Variants in NLGN4Y observed in about 807,000 individuals in gnomAD.
NLGN4Y encodes neuroligin-4, Y-linked.
In NLGN4Y, 4 loss-of-function variants were observed where a neutral mutation model predicts 8.4. The observed-to-expected ratio is 0.48, with a 90% CI of 0.23 to 1.09. The LOEUF is 1.09. Ranked by LOEUF, NLGN4Y falls within the 50% of genes least tolerant of loss-of-function variation. The pLI is 0.19. For missense variants in NLGN4Y, 90 were observed against 192.3 expected, an observed-to-expected ratio of 0.47 and a Z score of 3.15; for synonymous variants, 35 against 75.6, an observed-to-expected ratio of 0.46 and a Z score of 2.78.
chrY:14,811,798 C>T, intron 4 of NLGN4Y, among the ~76,000 whole-genome samples: 1 of 33,282 alleles, frequency 3.0e-5, no homozygotes, highest in Non-Finnish European at 7.4e-5. Flanking sequence ...AAAGTGGAAA[C>T]TTTTCTATTC....
chrY:14,702,560 A>G (rs2080856074), intron 2 of NLGN4Y, among the ~76,000 whole-genome samples: 1 of 33,266 alleles, frequency 3.0e-5, no homozygotes, highest in Non-Finnish European at 7.4e-5. Flanking sequence ...CCAGGCTATC[A>G]TTGTTGGACA....
intron 1 of NLGN4Y, among the ~76,000 whole-genome samples, chrY:14,546,271 G>A: frequency 6.2e-5 from 2 of 32,491 alleles, no homozygotes; most frequent in Non-Finnish European, 1.5e-4. Context: ...GTCTTTTTTG[G>A]TTCCATATGA....
At chrY:14,679,635 G>A in intron 2 of NLGN4Y, among the ~76,000 whole-genome samples, 1 of 33,208 alleles carries the variant, frequency 3.0e-5, no homozygotes, top group African/African-American at 1.2e-4. Flanking sequence ...GGCTTAGGAG[G>A]AAACAATTAA....
chrY:14,590,730 G>A, intron 1 of NLGN4Y, among the ~76,000 whole-genome samples: 1 of 33,224 alleles, frequency 3.0e-5, no homozygotes, highest in Non-Finnish European at 7.4e-5. Flanking sequence ...TTTGAAAGGC[G>A]TTGTCTGATT....
At position 14,719,462 on chromosome Y, in the gene NLGN4Y, C is replaced by T; in HGVS notation, c.476C>T (p.Thr159Ile). 2 of 341,777 alleles carry T rather than the reference C, an allele frequency of 5.9e-6. No homozygotes were observed. The highest frequency in any genetic ancestry group is 8.1e-6 in the Non-Finnish European group (2 of 245,499). The allele number at this position is 341,777 out of a possible 400,897, so 85.3% of individuals were successfully genotyped here. A position where few individuals can be genotyped will look rare whatever the true frequency, so the allele number is the denominator to read the frequency against. Residue 159 changes from threonine to isoleucine, a missense_variant, in exon 3 of 7, where the codon ACC (threonine) becomes ATC (isoleucine). This residue lies in a region of NLGN4Y where 37 missense variants were observed against 38.5 expected (regional missense o/e 0.96). Coordinates refer to ENST00000684976, the MANE Select transcript of NLGN4Y (RefSeq NM_001365588.1). ...LNIYVPMEDGTNIKRNADDIT... is the reference protein window; with the variant it reads ...LNIYVPMEDGINIKRNADDIT... ...TTCCTTTTCAATATCACCCCAGGAA[C>T]CAACATAAAGAGAAATGCAGACGAT...
At chrY:14,784,784 T>C in intron 4 of NLGN4Y, among the ~76,000 whole-genome samples, 1 of 33,004 alleles carries the variant, frequency 3.0e-5, no homozygotes, top group Non-Finnish European at 7.4e-5. Context: ...TACATATACA[T>C]AATGGAATAA....
At chrY:14,745,308 G>A in intron 4 of NLGN4Y, among the ~76,000 whole-genome samples, 4 of 33,379 alleles carry the variant, frequency 1.2e-4, no homozygotes, top group African/African-American at 4.7e-4. Flanking sequence ...GCAAAACATA[G>A]TGAATTTAAT....
intron 2 of NLGN4Y, among the ~76,000 whole-genome samples, chrY:14,686,166 T>C (rs2080790627): frequency 3.0e-5 from 1 of 33,106 alleles, no homozygotes; most frequent in Non-Finnish European, 7.5e-5. Flanking sequence ...GTCTTGTCTA[T>C]ATTGTTTTGA....
chrY:14,620,285 C>T (rs2080503890), intron 1 of NLGN4Y, among the ~76,000 whole-genome samples: 1 of 33,836 alleles, frequency 3.0e-5, no homozygotes, highest in Non-Finnish European at 7.4e-5. Flanking sequence ...CAACCAAACA[C>T]GACATCACTC....
intron 1 of NLGN4Y, among the ~76,000 whole-genome samples, chrY:14,544,929 C>A (rs2080163845): frequency 4.7e-4 from 14 of 29,784 alleles, no homozygotes; most frequent in Non-Finnish European, 1.1e-3. Flanking sequence ...ATCCCTCCCC[C>A]TTCCCCCCAC....
At chrY:14,819,002 G>T in intron 4 of NLGN4Y, among the ~76,000 whole-genome samples, 1 of 33,437 alleles carries the variant, frequency 3.0e-5, no homozygotes, top group Non-Finnish European at 7.4e-5. Flanking sequence ...GAGGGAGTTG[G>T]TTGACAGGGG....
Position 14,725,689 on chromosome Y carries a change from C to G in NLGN4Y, c.685+2420C>G, listed in dbSNP as rs375461754. 2.0e-3 allele frequency among the ~76,000 whole-genome samples: 69 copies of G among 33,714 alleles called. No individual in the cohort carries two copies. In the East Asian group the frequency reaches 0.053, roughly 26 times the overall value. The allele number at this position is 33,714 out of a possible 37,273, so 90.5% of individuals were successfully genotyped here. ...ACATAACTCCCATTTTAACGTGACT[C>G]GTGGACTTTTAATGAAATGAATGGC... On this transcript the variant is annotated intron_variant, in intron 4 of 6. Transcript: ENST00000684976.
At chrY:14,601,487 G>C in intron 1 of NLGN4Y, among the ~76,000 whole-genome samples, 3 of 33,172 alleles carry the variant, frequency 9.0e-5, no homozygotes, top group Non-Finnish European at 1.5e-4. Context: ...GCTATTTTCT[G>C]CAGTAGGGAT....
At chrY:14,758,395 G>A (rs2081069696) in intron 4 of NLGN4Y, among the ~76,000 whole-genome samples, 1 of 33,702 alleles carries the variant, frequency 3.0e-5, no homozygotes, top group Non-Finnish European at 7.3e-5. Context: ...ATTTACTTTT[G>A]TTTAATGCTT....
rs1279281073 is a variant in NLGN4Y, at chrY:14,841,227, A to T, written c.2476A>T (p.Asn826Tyr). The change falls in exon 7 of 7, where the codon AAT (asparagine) becomes TAT (tyrosine). Residue 826 changes from asparagine to tyrosine, a missense_variant. By Grantham distance (143) the Asn-to-Tyr change is moderately radical. Coordinates refer to ENST00000684976, the MANE Select transcript of NLGN4Y (RefSeq NM_001365588.1). ...CTTCAGTGGAGGACAAAACAGTACA[A>T]ATTTACCCCACGGACATTCCACCAC... ...KTFSGGQNST[N>Y]LPHGHSTTRV The T allele has an allele frequency of 2.5e-6, 1 of 398,269 alleles. No homozygotes were observed. The highest frequency in any genetic ancestry group is 3.5e-6 in the Non-Finnish European group (1 of 283,359).
At chrY:14,730,564 C>T in intron 4 of NLGN4Y, among the ~76,000 whole-genome samples, 1 of 32,935 alleles carries the variant, frequency 3.0e-5, no homozygotes, top group Non-Finnish European at 7.4e-5. Context: ...CCTTCCATGT[C>T]CTCATATTTT....
chrY:14,662,028 G>A, intron 2 of NLGN4Y, among the ~76,000 whole-genome samples: 1 of 33,967 alleles, frequency 2.9e-5, no homozygotes, highest in African/African-American at 1.1e-4. Context: ...TGTAAAGAAA[G>A]GATAAAACAT....
intron 1 of NLGN4Y, among the ~76,000 whole-genome samples, chrY:14,610,481 G>T: frequency 1.2e-4 from 4 of 33,187 alleles, no homozygotes; most frequent in Non-Finnish European, 3.0e-4. Context: ...TCATTCAGGA[G>T]CAAGTTGTTC....
chrY:14,543,344 T>C, intron 1 of NLGN4Y, among the ~76,000 whole-genome samples: 1 of 34,345 alleles, frequency 2.9e-5, no homozygotes, highest in Admixed American at 2.6e-4. Flanking sequence ...TACATTTCTT[T>C]TAACTGATAT....
Sources: allele counts gnomAD v4.1 joint callset (sites outside exome capture counted in the v4.1 genomes callset), GRCh38; gene constraint gnomAD v4.1.1; regional missense constraint gnomAD v4.1.1; transcripts MANE v1.5; gene names NCBI Gene and HGNC (gene_info 2026-07-23, HGNC 2026-07-21).